The following UGT2B17 variants were observed in gnomAD, a reference collection of about 807,000 sequenced individuals.
UGT2B17 encodes the protein UDP glucuronosyltransferase family 2 member B17.
Under a neutral mutation model 48.2 loss-of-function variants are expected in UGT2B17, and 21 were observed. The observed-to-expected ratio is 0.44, with a 90% CI of 0.31 to 0.63. The LOEUF (loss-of-function observed/expected upper bound fraction) is 0.63. Ranked by LOEUF, UGT2B17 falls within the 20% of genes least tolerant of loss-of-function variation. The probability of loss-of-function intolerance (pLI) is 0.08; values close to 1 mark genes in which losing one functional copy is unlikely to be tolerated. For missense variants in UGT2B17, 402 were observed against 696.1 expected (o/e 0.58, Z 4.75); for synonymous variants, 146 against 238.4 (o/e 0.61, Z 3.57).
At chr4:68,572,011 G>T (rs770171140) in intron 1 of UGT2B17, among the ~76,000 whole-genome samples, 1 of 124,610 alleles carries the variant, frequency 8.0e-6, no homozygotes, top group Non-Finnish European at 1.7e-5. Context: ...AATTCTAAAA[G>T]GTTGTAGCTC....
intron 6 of UGT2B17, among the ~76,000 whole-genome samples, chr4:68,538,112 A>G (rs7671342): frequency 0.33 from 41,629 of 125,710 alleles, 13,585 homozygotes; most frequent in Admixed American, 0.43. Flanking sequence ...TACCTTTAAA[A>G]ATGAAAAATG....
chr4:68,547,761 T>C lies in UGT2B17; in HGVS notation c.1313+2916A>G, dbSNP rs561705000. 1.0e-4 allele frequency among the ~76,000 whole-genome samples: 13 copies of C among 125,124 alleles called. 4 individuals are homozygous for C. The highest frequency in any genetic ancestry group is 7.5e-4 in the East Asian group (1 of 1,326). The allele number at this position is 125,124 out of a possible 152,430, so 82.1% of individuals were successfully genotyped here. A position where few individuals can be genotyped will look rare whatever the true frequency, so the allele number is the denominator to read the frequency against. On this transcript the variant is annotated intron_variant, in intron 6 of 6. Coordinates refer to ENST00000317746, the MANE Select transcript of UGT2B17 (RefSeq NM_001077.4). ...ACAAACAACCTCATCAGCTTGTGGG[T>C]GAAGGAAATGAACAGACACTTCTCA...
chr4:68,538,612 C>T lies in UGT2B17; in HGVS notation c.1314-708G>A, dbSNP rs1265187044. On this transcript the variant is annotated intron_variant, in intron 6 of 6. Transcript: ENST00000317746. Reference sequence around the variant, plus strand: ...CCTAACTAGTTTCTCAGCTTCTACTCTAATCTTCTGTCTTCTACCGTATTT... The same window carrying T: ...CCTAACTAGTTTCTCAGCTTCTACTTTAATCTTCTGTCTTCTACCGTATTT... Among the ~76,000 whole-genome samples the T allele has an allele frequency of 1.6e-5, 2 of 126,102 alleles. 1 individual carries two copies. The allele number at this position is 126,102 out of a possible 152,430, so 82.7% of individuals were successfully genotyped here. A position where few individuals can be genotyped will look rare whatever the true frequency, so the allele number is the denominator to read the frequency against.
intron 4 of UGT2B17, among the ~76,000 whole-genome samples, chr4:68,559,496 T>C (rs1249854743): frequency 6.3e-5 from 8 of 126,052 alleles, no homozygotes; most frequent in African/African-American, 2.2e-4. Flanking sequence ...CCATGTCTAG[T>C]ACCAAACTAA....
Position 68,550,305 on chromosome 4 carries a change from TA to T in UGT2B17, c.1313+371del, listed in dbSNP as rs1165981240. Among the ~76,000 whole-genome samples, 15 of 125,744 alleles carry T rather than the reference TA, an allele frequency of 1.2e-4. 3 individuals are homozygous for T. The highest frequency in any genetic ancestry group is 2.2e-4 in the Non-Finnish European group (13 of 59,480). 82.5% of individuals were successfully genotyped at this position (125,744 alleles called of 152,430 possible). On this transcript the variant is annotated intron_variant, in intron 6 of 6. Transcript: ENST00000317746. ...ATTAAAATAATGATAATAATAAAAA[TA>T]AATTTTTGAGAAAGAATAGATTCAT...
intron 4 of UGT2B17, among the ~76,000 whole-genome samples, chr4:68,560,082 G>A (rs577727713): frequency 7.7e-6 from 1 of 129,212 alleles, no homozygotes; most frequent in Non-Finnish European, 1.7e-5. Flanking sequence ...TTGGTAAGAC[G>A]AAGCTGCATG....
rs529489687 is a variant in UGT2B17, at chr4:68,570,918, C to T, written c.-64-2370G>A. The stretch of plus-strand genomic sequence containing the variant: ...TGTCTTTAATAACTTGCCTGATTAT[C>T]TATGTGTAGACAGTAATTAGTAAGG... On this transcript the variant is annotated intron_variant, in intron 1 of 6. Coordinates refer to ENST00000317746, the MANE Select transcript of UGT2B17 (RefSeq NM_001077.4). 6.1e-4 allele frequency among the ~76,000 whole-genome samples: 77 copies of T among 126,188 alleles called. 18 individuals are homozygous for T. The highest frequency in any genetic ancestry group is 1.4e-3 in the Admixed American group (17 of 12,330). 82.8% of individuals were successfully genotyped at this position (126,188 alleles called of 152,430 possible).
intron 1 of UGT2B17, among the ~76,000 whole-genome samples, chr4:68,568,829 A>T (rs1178043832): frequency 3.8e-5 from 5 of 131,766 alleles, no homozygotes; most frequent in Non-Finnish European, 6.5e-5. Flanking sequence ...TGGTGCAAGT[A>T]ATGTCTTCTA....
chr4:68,549,351 A>AG lies in UGT2B17; in HGVS notation c.1313+1325_1313+1326insC, dbSNP rs1271706467. On this transcript the variant is annotated intron_variant, in intron 6 of 6. Transcript: ENST00000317746. ...AAAAGGCATCCTCCAAAAAGTAAAA[A>AG]AAAAAAAAAATCTATCTGCCCATAG... is the stretch of plus-strand genomic sequence containing the variant. 1.0e-4 allele frequency among the ~76,000 whole-genome samples: 13 copies of AG among 123,826 alleles called. 3 individuals are homozygous for AG. Among genetic ancestry groups the AG allele is most frequent in the Non-Finnish European group, 1.5e-4 (9 of 58,730 alleles). The allele number at this position is 123,826 out of a possible 152,430, so 81.2% of individuals were successfully genotyped here.
At chr4:68,550,186 G>T (rs1286266421) in intron 6 of UGT2B17, among the ~76,000 whole-genome samples, 1 of 124,556 alleles carries the variant, frequency 8.0e-6, no homozygotes, top group East Asian at 7.6e-4. Flanking sequence ...ATTTAGGGTT[G>T]TGGCTTCGTA....
intron 4 of UGT2B17, 28 bp from the exon 5 acceptor site, chr4:68,551,939 C>G: frequency 8.2e-7 from 1 of 1,226,002 alleles, no homozygotes; most frequent in Non-Finnish European, 1.1e-6. Flanking sequence ...ATATCTTGTT[C>G]AATGAATAGA....
intron 3 of UGT2B17, among the ~76,000 whole-genome samples, chr4:68,565,354 C>G (rs1323719511): frequency 8.0e-6 from 1 of 125,098 alleles, no homozygotes; most frequent in Non-Finnish European, 1.7e-5. Flanking sequence ...TTTAACCAAC[C>G]CTGTTTTCAA....
chr4:68,548,320 C>T lies in UGT2B17; in HGVS notation c.1313+2357G>A, dbSNP rs1318543327. Among the ~76,000 whole-genome samples, 2 of 125,056 alleles carry T rather than the reference C, an allele frequency of 1.6e-5. 1 individual carries two copies. Among genetic ancestry groups the T allele is most frequent in the Non-Finnish European group, 3.4e-5 (2 of 59,318 alleles). The allele number at this position is 125,056 out of a possible 152,430, so 82.0% of individuals were successfully genotyped here. A position where few individuals can be genotyped will look rare whatever the true frequency, so the allele number is the denominator to read the frequency against. The stretch of plus-strand genomic sequence containing the variant: ...AACCATCATTCCCAGCAAACTATCG[C>T]AAGGACAAAAAACCAAACACCGCAT... On this transcript the variant is annotated intron_variant, in intron 6 of 6. Transcript: ENST00000317746.
At chr4:68,549,372 C>T (rs1180419185) in intron 6 of UGT2B17, among the ~76,000 whole-genome samples, 2 of 122,348 alleles carry the variant, frequency 1.6e-5, no homozygotes, top group Non-Finnish European at 3.4e-5. Flanking sequence ...TCTATCTGCC[C>T]ATAGTGGAAG....
At chr4:68,543,013 G>T (rs1390077613) in intron 6 of UGT2B17, among the ~76,000 whole-genome samples, 1 of 126,508 alleles carries the variant, frequency 7.9e-6, no homozygotes, top group Non-Finnish European at 1.7e-5. Context: ...CACCTCTGGG[G>T]GCAGGGCATA....
intron 3 of UGT2B17, among the ~76,000 whole-genome samples, chr4:68,563,769 A>G (rs1731144757): frequency 8.0e-6 from 1 of 125,664 alleles, no homozygotes; most frequent in Non-Finnish European, 1.7e-5. Flanking sequence ...CCACCTTTGC[A>G]ATACAACTTT....
chr4:68,567,092 C>T (rs1731214297), intron 2 of UGT2B17, among the ~76,000 whole-genome samples: 1 of 125,368 alleles, frequency 8.0e-6, no homozygotes, highest in Non-Finnish European at 1.7e-5. Context: ...TGTGCTCTTC[C>T]TTATTTTGGC....
At chr4:68,572,596 A>T (rs552441619) in intron 1 of UGT2B17, among the ~76,000 whole-genome samples, 1,885 of 126,526 alleles carry the variant, frequency 0.015, 394 homozygotes, top group African/African-American at 0.049. Flanking sequence ...GTGATCATGG[A>T]AGGCAATTAG....
In UGT2B17 at chr4:68,548,205, G is replaced by A. The variant is rs1284646290; in HGVS notation, c.1313+2472C>T. On this transcript the variant is annotated intron_variant, in intron 6 of 6. Transcript: ENST00000317746. ...GTCCAACAATGATAGACTGGATTAA[G>A]AAAATGTGGCACACATACACTATAG... 1.6e-5 allele frequency among the ~76,000 whole-genome samples: 2 copies of A among 126,636 alleles called. 1 individual carries two copies. The highest frequency in any genetic ancestry group is 1.5e-3 in the East Asian group (2 of 1,322). 83.1% of individuals were successfully genotyped at this position (126,636 alleles called of 152,430 possible). A position where few individuals can be genotyped will look rare whatever the true frequency, so the allele number is the denominator to read the frequency against.
Sources: allele counts gnomAD v4.1 joint callset (sites outside exome capture counted in the v4.1 genomes callset), GRCh38; gene constraint gnomAD v4.1.1; transcripts MANE v1.5; gene names NCBI Gene and HGNC (gene_info 2026-07-23, HGNC 2026-07-21).